The following DGKG variants were observed in gnomAD, a reference collection of about 807,000 sequenced individuals.
DGKG encodes the protein diacylglycerol kinase gamma, also known as DAG kinase gamma.
Under a neutral mutation model 105.3 loss-of-function variants are expected in DGKG, and 78 were observed. That is an observed-to-expected ratio of 0.74 (90% confidence interval 0.62 to 0.89). DGKG has a LOEUF of 0.89. Among genes scored for constraint, DGKG ranks in the 40% least tolerant of loss-of-function variants. DGKG has a pLI of 0.00. For synonymous variants in DGKG, 346 were observed against 367.1 expected (o/e 0.94, Z 0.66); for missense variants, 958 against 1,020.1 (o/e 0.94, Z 0.83).
chr3:186,262,043 A>G (rs906988850), intron 14 of DGKG: 2 of 375,982 alleles, frequency 5.3e-6, no homozygotes, highest in South Asian at 2.6e-5. Context: ...AAATCATTCA[A>G]CGATGACGTG....
chr3:186,155,732 T>G (rs1716003931), intron 24 of DGKG, among the ~76,000 whole-genome samples: 1 of 152,222 alleles, frequency 6.6e-6, no homozygotes, highest in Admixed American at 6.5e-5. Flanking sequence ...TGGGTCTACA[T>G]GCTTTTCAGA....
At chr3:186,167,924 AT>A (rs1308231862) in intron 22 of DGKG, among the ~76,000 whole-genome samples, 1 of 152,208 alleles carries the variant, frequency 6.6e-6, no homozygotes, top group Non-Finnish European at 1.5e-5. Context: ...GGTGTAGAAA[AT>A]GCTGCAATTG....
rs1560082025 is a variant in DGKG, at chr3:186,177,703, T to C, written c.2095+10499A>G. 2.0e-5 allele frequency among the ~76,000 whole-genome samples: 3 copies of C among 152,364 alleles called. No individual in the cohort carries two copies. In the East Asian group the frequency reaches 5.8e-4, roughly 29 times the overall value. On this transcript the variant is annotated intron_variant, in intron 22 of 24. Coordinates refer to ENST00000265022, the MANE Select transcript of DGKG (RefSeq NM_001346.3). ...CTTGAAGACAGGTTTGAGTCCAGGC[T>C]CTATCGTGTGTTATCTGTGTGATTT...
At position 186,241,544 on chromosome 3, in the gene DGKG, T is replaced by C. The variant is rs553600282; in HGVS notation, c.1826+960A>G. On this transcript the variant is annotated intron_variant, in intron 20 of 24. Coordinates refer to ENST00000265022, the MANE Select transcript of DGKG (RefSeq NM_001346.3). The stretch of plus-strand genomic sequence containing the variant: ...CTCTGGCCTGGGTGACAGAGTGAGA[T>C]TCCATCTCAAAAATAAATAAATAAA... Among the ~76,000 whole-genome samples, 194 of 150,502 alleles carry C rather than the reference T, an allele frequency of 1.3e-3. 1 individual carries two copies. The highest frequency in any genetic ancestry group is 4.5e-3 in the African/African-American group (184 of 40,542).
At chr3:186,196,099 G>A (rs931737802) in intron 21 of DGKG, among the ~76,000 whole-genome samples, 7 of 148,138 alleles carry the variant, frequency 4.7e-5, no homozygotes, top group South Asian at 2.1e-4. Flanking sequence ...ATTATTTCTC[G>A]TATAGTCTCT....
At chr3:186,207,604 C>G in intron 21 of DGKG, 1 of 411,860 alleles carries the variant, frequency 2.4e-6, no homozygotes, top group African/African-American at 2.2e-5. Context: ...AACCCCTATG[C>G]CCCCCATTTT....
chr3:186,323,999 T>C (rs1358169156), intron 1 of DGKG, among the ~76,000 whole-genome samples: 3 of 143,060 alleles, frequency 2.1e-5, no homozygotes, highest in Non-Finnish European at 4.5e-5. Context: ...TCCCAGCTAC[T>C]CGGGAGGCTG....
chr3:186,335,141 A>G (rs11924154), intron 1 of DGKG, among the ~76,000 whole-genome samples: 9,781 of 152,026 alleles, frequency 0.064, 1,009 homozygotes, highest in African/African-American at 0.22. Flanking sequence ...GCGCGATCTC[A>G]GCTCACTGCA....
At chr3:186,191,773 C>T (rs1717919635) in intron 21 of DGKG, among the ~76,000 whole-genome samples, 1 of 152,236 alleles carries the variant, frequency 6.6e-6, no homozygotes, top group South Asian at 2.1e-4. Context: ...TGCCCAGGCT[C>T]TGCCTTTGCG....
chr3:186,150,558 A>T (rs976238545), intron 24 of DGKG, among the ~76,000 whole-genome samples: 1 of 152,154 alleles, frequency 6.6e-6, no homozygotes, highest in African/African-American at 2.4e-5. Context: ...TCACAAACAG[A>T]GCAGCAGCAC....
At chr3:186,201,204 G>A (rs1212797710) in intron 21 of DGKG, among the ~76,000 whole-genome samples, 1 of 151,434 alleles carries the variant, frequency 6.6e-6, no homozygotes, top group Non-Finnish European at 1.5e-5. Flanking sequence ...TGCTCTGGAT[G>A]CAGATTAATA....
intron 21 of DGKG, among the ~76,000 whole-genome samples, chr3:186,211,335 T>A (rs926289357): frequency 6.6e-6 from 1 of 152,108 alleles, no homozygotes; most frequent in African/African-American, 2.4e-5. Flanking sequence ...CTGAAGCAGA[T>A]GTGAAAATCA....
intron 22 of DGKG, among the ~76,000 whole-genome samples, chr3:186,169,536 C>A (rs1716721287): frequency 6.6e-6 from 1 of 152,194 alleles, no homozygotes. Context: ...CAAGGGGCTG[C>A]CTCTGCAGTT....
At chr3:186,278,483 C>G (rs1055763299) in intron 9 of DGKG, among the ~76,000 whole-genome samples, 12 of 151,978 alleles carry the variant, frequency 7.9e-5, no homozygotes, top group African/African-American at 2.9e-4. Context: ...GGTGGATGTC[C>G]TTGGGCAAGT....
intron 1 of DGKG, among the ~76,000 whole-genome samples, chr3:186,328,511 C>T (rs534833562): frequency 6.6e-6 from 1 of 151,936 alleles, no homozygotes; most frequent in African/African-American, 2.4e-5. Context: ...TTCATATTAT[C>T]ATTATCATGG....
intron 19 of DGKG, among the ~76,000 whole-genome samples, chr3:186,246,596 G>C (rs911866138): frequency 2.0e-5 from 3 of 152,192 alleles, no homozygotes; most frequent in Non-Finnish European, 4.4e-5. Context: ...TGGGAGATTG[G>C]GGAATGGAAA....
At chr3:186,346,145 CTT>C (rs1244111212) in intron 1 of DGKG, among the ~76,000 whole-genome samples, 1 of 152,170 alleles carries the variant, frequency 6.6e-6, no homozygotes, top group African/African-American at 2.4e-5. Flanking sequence ...AGTTGCCTAT[CTT>C]TTACACTGTC....
chr3:186,302,540 A>ATATATATATATATATACATATG (rs1724018168), intron 3 of DGKG, among the ~76,000 whole-genome samples: 1 of 27,486 alleles, frequency 3.6e-5, no homozygotes, highest in Non-Finnish European at 9.2e-5. Context: ...ATACATATGT[A>ATATATATATATATATACATATG]TATATATATA....
intron 22 of DGKG, among the ~76,000 whole-genome samples, chr3:186,173,123 G>A (rs79886315): frequency 0.01 from 1,587 of 152,268 alleles, 17 homozygotes; most frequent in Middle Eastern, 0.02. Context: ...CAGTTGGACT[G>A]GATTAGGGCC....
Sources: gnomAD v4.1 joint callset for allele counts (sites outside exome capture counted in the v4.1 genomes callset) on GRCh38, gnomAD v4.1.1 for gene constraint, MANE v1.5 for transcripts, NCBI Gene and HGNC (gene_info 2026-07-23, HGNC 2026-07-21) for gene names.